Variants in NRG1 observed in about 807,000 individuals in gnomAD.
NRG1 encodes the protein pro-neuregulin-1, membrane-bound isoform.
NRG1 carries 18 observed loss-of-function variants against 63.8 expected under a neutral mutation model. The observed-to-expected ratio is 0.28, with a 90% confidence interval of 0.19 to 0.42. NRG1 has a LOEUF of 0.42. Among genes scored for constraint, NRG1 ranks in the 10% least tolerant of loss-of-function variants. NRG1 has a pLI of 1.00. For synonymous variants in NRG1, 302 were observed against 301.3 expected (o/e 1.00, Z -0.02); for missense variants, 762 against 814.7 (o/e 0.94, Z 0.79).
At chr8:31,875,054 CAAAG>C (rs1829799461) in intron 1 of NRG1, among the ~76,000 whole-genome samples, 1 of 152,156 alleles carries the variant, frequency 6.6e-6, no homozygotes, top group South Asian at 2.1e-4. Context: ...TCCAGGAAAA[CAAAG>C]AGAGTGGCCA....
At chr8:32,081,476 G>T (rs1474601149) in intron 1 of NRG1, among the ~76,000 whole-genome samples, 1 of 152,148 alleles carries the variant, frequency 6.6e-6, no homozygotes, top group African/African-American at 2.4e-5. Context: ...AACAAGGATT[G>T]AAGGGCAGCT....
chr8:31,809,741 G>GTTTTTTTTTTTT (rs753730069), intron 1 of NRG1, among the ~76,000 whole-genome samples: 5 of 68,018 alleles, frequency 7.4e-5, no homozygotes, highest in African/African-American at 1.3e-4. Flanking sequence ...TCTATTAATT[G>GTTTTTTTTTTTT]TTTTTTTTTT....
At chr8:31,903,932 C>T (rs757378720) in intron 1 of NRG1, among the ~76,000 whole-genome samples, 1 of 152,074 alleles carries the variant, frequency 6.6e-6, no homozygotes, top group Non-Finnish European at 1.5e-5. Flanking sequence ...GCCTGGGTGA[C>T]AAGAATGAAA....
In NRG1 at chr8:32,188,972, T is replaced by G. The variant is rs139306251; in HGVS notation, c.38-406856T>G. ...ACTTAAAGTATAATAATAATAAAATTAAAAAAAAGTCAAGGAAGTGAATTA... is the reference window on the plus strand; with the variant it reads ...ACTTAAAGTATAATAATAATAAAATGAAAAAAAAGTCAAGGAAGTGAATTA... On this transcript the variant is annotated intron_variant, in intron 1 of 10. Coordinates refer to the NRG1 transcript ENST00000519301. Among the ~76,000 whole-genome samples the G allele has an allele frequency of 1.7e-3, 252 of 151,664 alleles. 1 individual carries two copies. The highest frequency in any genetic ancestry group is 2.7e-3 in the Non-Finnish European group (186 of 67,872).
intron 1 of NRG1, among the ~76,000 whole-genome samples, chr8:32,565,721 T>A (rs2129527691): frequency 6.6e-6 from 1 of 152,314 alleles, no homozygotes; most frequent in African/African-American, 2.4e-5. Flanking sequence ...AGGTTGTTAT[T>A]TATTTCTTTT....
chr8:32,760,229 T>C (rs769292352), exon 11 of NRG1: 14 of 1,614,090 alleles, frequency 8.7e-6, no homozygotes, highest in Non-Finnish European at 1.2e-5. Flanking sequence ...GAAAGCATCC[T>C]TTCCGAAAGC....
chr8:31,901,637 TA>T (rs951367273), intron 1 of NRG1, among the ~76,000 whole-genome samples: 3 of 152,206 alleles, frequency 2.0e-5, no homozygotes, highest in Non-Finnish European at 2.9e-5. Flanking sequence ...ATTGTCTACA[TA>T]ACTGCACAAC....
chr8:31,809,476 T>G (rs946713628), intron 1 of NRG1, among the ~76,000 whole-genome samples: 1 of 150,464 alleles, frequency 6.6e-6, no homozygotes, highest in Non-Finnish European at 1.5e-5. Flanking sequence ...GTCTTAACTT[T>G]TTTATGCTCT....
intron 1 of NRG1, among the ~76,000 whole-genome samples, chr8:31,783,342 A>G (rs1314710529): frequency 6.6e-6 from 1 of 152,212 alleles, no homozygotes; most frequent in Non-Finnish European, 1.5e-5. Flanking sequence ...TAAACAAACA[A>G]CTAACTTTTA....
chr8:32,422,269 T>A (rs141785177), intron 1 of NRG1, among the ~76,000 whole-genome samples: 1 of 152,208 alleles, frequency 6.6e-6, no homozygotes, highest in African/African-American at 2.4e-5. Context: ...TCCACACATA[T>A]GTATATGATC....
chr8:32,569,097 T>C (rs1838028095), intron 1 of NRG1, among the ~76,000 whole-genome samples: 1 of 152,204 alleles, frequency 6.6e-6, no homozygotes. Flanking sequence ...TCACTCAGGC[T>C]GGAGTGCAGT....
chr8:31,940,753 C>G (rs1263958487), intron 1 of NRG1, among the ~76,000 whole-genome samples: 1 of 151,972 alleles, frequency 6.6e-6, no homozygotes, highest in Non-Finnish European at 1.5e-5. Context: ...AAAGATTATT[C>G]AAGGCTACTA....
chr8:32,009,174 T>G (rs550016114), intron 1 of NRG1, among the ~76,000 whole-genome samples: 7 of 152,180 alleles, frequency 4.6e-5, no homozygotes, highest in Non-Finnish European at 7.4e-5. Flanking sequence ...AATATGACCG[T>G]ATATGATCCC....
intron 1 of NRG1, among the ~76,000 whole-genome samples, chr8:31,916,535 C>T (rs1431191701): frequency 1.3e-5 from 2 of 152,182 alleles, no homozygotes; most frequent in Non-Finnish European, 2.9e-5. Context: ...GACATGAACT[C>T]ATCCTTTTTT....
chr8:32,215,740 C>A (rs909262226), intron 1 of NRG1, among the ~76,000 whole-genome samples: 1 of 152,080 alleles, frequency 6.6e-6, no homozygotes, highest in Non-Finnish European at 1.5e-5. Flanking sequence ...CCTGGAAGCA[C>A]CATCGAAAAC....
intron 1 of NRG1, among the ~76,000 whole-genome samples, chr8:31,691,812 C>T (rs1170183379): frequency 1.3e-5 from 2 of 151,908 alleles, no homozygotes; most frequent in Non-Finnish European, 2.9e-5. Flanking sequence ...TCTAGTTCTT[C>T]AGATTGGTTA....
At chr8:32,158,650 T>C (rs1308462291) in intron 1 of NRG1, among the ~76,000 whole-genome samples, 1 of 151,368 alleles carries the variant, frequency 6.6e-6, no homozygotes, top group Non-Finnish European at 1.5e-5. Context: ...ATACACACTA[T>C]ACTGAATGGA....
intron 1 of NRG1, among the ~76,000 whole-genome samples, chr8:31,659,410 C>G (rs1805745938): frequency 6.6e-6 from 1 of 152,172 alleles, no homozygotes; most frequent in Admixed American, 6.5e-5. Context: ...AGGAGAGCAT[C>G]TGGGAACCAT....
chr8:32,404,586 T>A (rs1220574396), intron 1 of NRG1, among the ~76,000 whole-genome samples: 1 of 20,114 alleles, frequency 5.0e-5, no homozygotes, highest in African/African-American at 1.8e-4. Context: ...CTTCTTCATC[T>A]TTTTTTTTTT....
Sources: allele counts gnomAD v4.1 joint callset (sites outside exome capture counted in the v4.1 genomes callset), GRCh38; gene constraint gnomAD v4.1.1; transcripts MANE v1.5; gene names NCBI Gene and HGNC (gene_info 2026-07-23, HGNC 2026-07-21).